The following RIGI variants were observed in gnomAD, a reference collection of about 807,000 sequenced individuals.
RIGI encodes the protein antiviral innate immune response receptor RIG-I.
chr9:32,464,160 C>G, the RIGI span, among the ~76,000 whole-genome samples: 1 of 151,832 alleles, frequency 6.6e-6, no homozygotes, highest in Non-Finnish European at 1.5e-5. Context: ...TCATCCCTCT[C>G]CCTTTCCTGT....
the RIGI span, chr9:32,489,460 C>T: frequency 3.8e-6 from 6 of 1,569,392 alleles, no homozygotes; most frequent in Non-Finnish European, 5.3e-6. Context: ...TTCTGGAATA[C>T]AAAAGGAGCA....
the RIGI span, among the ~76,000 whole-genome samples, chr9:32,519,731 TTCTC>T: frequency 6.6e-6 from 1 of 152,204 alleles, no homozygotes; most frequent in Admixed American, 6.6e-5. Flanking sequence ...TGATTGGGCT[TTCTC>T]TCAAACTAAT....
At chr9:32,477,841 C>T in the RIGI span, among the ~76,000 whole-genome samples, 9 of 152,088 alleles carry the variant, frequency 5.9e-5, no homozygotes, top group African/African-American at 2.2e-4. Flanking sequence ...AGGAGAATCA[C>T]TTGAACCTGG....
chr9:32,482,214 TGTTTGA>T, the RIGI span, among the ~76,000 whole-genome samples: 1 of 152,104 alleles, frequency 6.6e-6, no homozygotes, highest in Admixed American at 6.5e-5. Flanking sequence ...TGTGTGTGTG[TGTTTGA>T]TTGTTTCTTG....
At chr9:32,510,495 A>C in the RIGI span, among the ~76,000 whole-genome samples, 1 of 152,350 alleles carries the variant, frequency 6.6e-6, no homozygotes, top group East Asian at 1.9e-4. Context: ...ACTAAGATTT[A>C]TAAGCAAAGA....
At chr9:32,509,286 T>TA in the RIGI span, among the ~76,000 whole-genome samples, 11 of 152,158 alleles carry the variant, frequency 7.2e-5, no homozygotes, top group African/African-American at 2.7e-4. Context: ...GGGTCCCTGA[T>TA]ACCTGTGCCT....
the RIGI span, among the ~76,000 whole-genome samples, chr9:32,508,786 G>T: frequency 6.6e-6 from 1 of 152,094 alleles, no homozygotes; most frequent in Non-Finnish European, 1.5e-5. Context: ...CTGAAGCCAG[G>T]GAGCCAAGTG....
chr9:32,470,069 T>C, the RIGI span, among the ~76,000 whole-genome samples: 2 of 152,226 alleles, frequency 1.3e-5, no homozygotes, highest in Non-Finnish European at 2.9e-5. Context: ...AAAATCAATC[T>C]CTAAACATTA....
At chr9:32,492,247 T>A in the RIGI span, 1 of 887,582 alleles carries the variant, frequency 1.1e-6, no homozygotes, top group Non-Finnish European at 1.7e-6. Context: ...ACTGCCTCCC[T>A]CCCAGAATCC....
the RIGI span, among the ~76,000 whole-genome samples, chr9:32,482,917 G>C: frequency 4.5e-4 from 69 of 151,952 alleles, no homozygotes; most frequent in Admixed American, 4.4e-3. Context: ...GCTTTGCTGT[G>C]AACTTGGGCC....
chr9:32,488,688 T>C, the RIGI span: 2 of 1,473,330 alleles, frequency 1.4e-6, no homozygotes, highest in South Asian at 3.1e-5. Flanking sequence ...ACACATCAAT[T>C]ACATGAAGCT....
At chr9:32,487,479 G>A in the RIGI span, 45 of 1,614,052 alleles carry the variant, frequency 2.8e-5, no homozygotes, top group Non-Finnish European at 3.7e-5. Flanking sequence ...ACACTTCTGG[G>A]GCTTATAAAC....
At chr9:32,481,285 G>T in the RIGI span, 1 of 1,546,674 alleles carries the variant, frequency 6.5e-7, no homozygotes, top group Non-Finnish European at 8.8e-7. Context: ...CTTCCACGGT[G>T]CCACTCCCAG....
At chr9:32,508,484 G>C in the RIGI span, among the ~76,000 whole-genome samples, 1 of 151,838 alleles carries the variant, frequency 6.6e-6, no homozygotes, top group Admixed American at 6.6e-5. Context: ...CCTCACCTGG[G>C]AAGCACAAGG....
At chr9:32,480,025 T>A in the RIGI span, among the ~76,000 whole-genome samples, 1 of 152,180 alleles carries the variant, frequency 6.6e-6, no homozygotes, top group Non-Finnish European at 1.5e-5. Context: ...GGGAATGGTA[T>A]AAGCAACAGA....
At chr9:32,490,516 A>T in the RIGI span, among the ~76,000 whole-genome samples, 1 of 152,214 alleles carries the variant, frequency 6.6e-6, no homozygotes, top group Non-Finnish European at 1.5e-5. Context: ...AACAAAACAA[A>T]ACAAAAAAAC....
the RIGI span, chr9:32,498,270 C>A: frequency 4.4e-6 from 2 of 456,700 alleles, no homozygotes; most frequent in Non-Finnish European, 8.8e-6. Context: ...CTAACACTGC[C>A]AGTTTTTGAA....
chr9:32,474,202 C>CAAAAAAAA, the RIGI span, among the ~76,000 whole-genome samples: 13 of 50,918 alleles, frequency 2.6e-4, no homozygotes, highest in African/African-American at 1.1e-3. Flanking sequence ...GACCCTGTCT[C>CAAAAAAAA]AAAAAAAAAA....
At chr9:32,522,777 T>C in the RIGI span, among the ~76,000 whole-genome samples, 2 of 152,196 alleles carry the variant, frequency 1.3e-5, no homozygotes, top group Non-Finnish European at 2.9e-5. Context: ...GCCAGAAAGA[T>C]TGAGGATCAG....
Sources: allele counts gnomAD v4.1 joint callset (sites outside exome capture counted in the v4.1 genomes callset), GRCh38; gene constraint gnomAD v4.1.1; transcripts MANE v1.5; gene names NCBI Gene and HGNC (gene_info 2026-07-23, HGNC 2026-07-21).